SH3GL2: variants seen among roughly 807,000 people sequenced by gnomAD.
SH3GL2 encodes the protein endophilin-A1.
A neutral mutation model predicts 46.0 loss-of-function variants in SH3GL2; 24 were observed. The ratio of observed to expected loss-of-function variants is 0.52; its 90% CI spans 0.38 to 0.73. SH3GL2 has a LOEUF of 0.73. SH3GL2 is among the 30% of genes least tolerant of loss of function. SH3GL2 has a pLI of 0.00. For synonymous variants in SH3GL2, 196 were observed against 147.1 expected (o/e 1.33, Z -2.40); for missense variants, 413 against 424.2 (o/e 0.97, Z 0.23).
chr9:17,702,731 A>G (rs1242027552), intron 1 of SH3GL2, among the ~76,000 whole-genome samples: 2 of 152,190 alleles, frequency 1.3e-5, no homozygotes, highest in African/African-American at 4.8e-5. Context: ...TTTAAGGCAT[A>G]GGAAAAATGA....
chr9:17,765,917 G>C (rs1823305120), intron 3 of SH3GL2, among the ~76,000 whole-genome samples: 1 of 152,228 alleles, frequency 6.6e-6, no homozygotes, highest in Non-Finnish European at 1.5e-5. Flanking sequence ...AAGCACAGTT[G>C]ACTGTCAGTG....
chr9:17,758,385 A>AC (rs1457265758), intron 2 of SH3GL2, among the ~76,000 whole-genome samples: 1 of 151,534 alleles, frequency 6.6e-6, no homozygotes, highest in Non-Finnish European at 1.5e-5. Context: ...ACATGGCAAA[A>AC]CCCCGTCTCT....
chr9:17,585,110 T>G (rs146373075), intron 1 of SH3GL2, among the ~76,000 whole-genome samples: 45 of 152,240 alleles, frequency 3.0e-4, no homozygotes, highest in African/African-American at 1.0e-3. Flanking sequence ...CAGAGCAGAT[T>G]CCATTCTGCC....
intron 2 of SH3GL2, among the ~76,000 whole-genome samples, chr9:17,759,709 G>T (rs1397181109): frequency 6.6e-6 from 1 of 152,100 alleles, no homozygotes; most frequent in Non-Finnish European, 1.5e-5. Flanking sequence ...CTTAGAAATT[G>T]GTCAGCCCCT....
intron 1 of SH3GL2, among the ~76,000 whole-genome samples, chr9:17,644,266 T>C (rs1361397408): frequency 6.6e-6 from 1 of 152,196 alleles, no homozygotes; most frequent in African/African-American, 2.4e-5. Context: ...ATCTAGTTTG[T>C]CAACTCTTTC....
At chr9:17,615,463 T>C (rs1257594642) in intron 1 of SH3GL2, among the ~76,000 whole-genome samples, 1 of 152,054 alleles carries the variant, frequency 6.6e-6, no homozygotes, top group African/African-American at 2.4e-5. Context: ...GAGACTATCC[T>C]GGCTAACACA....
intron 1 of SH3GL2, among the ~76,000 whole-genome samples, chr9:17,721,234 A>G (rs945778951): frequency 1.3e-5 from 2 of 152,094 alleles, no homozygotes; most frequent in African/African-American, 4.8e-5. Flanking sequence ...CGAAATGGCC[A>G]CATCCAGGGG....
At chr9:17,681,678 G>T (rs1470498797) in intron 1 of SH3GL2, among the ~76,000 whole-genome samples, 2 of 152,142 alleles carry the variant, frequency 1.3e-5, no homozygotes, top group African/African-American at 4.8e-5. Flanking sequence ...AAAAGCAGTT[G>T]CAACAAAAGT....
intron 1 of SH3GL2, among the ~76,000 whole-genome samples, chr9:17,743,569 A>ACACACAC (rs1822592322): frequency 2.1e-5 from 3 of 143,588 alleles, no homozygotes; most frequent in African/African-American, 7.9e-5. Context: ...CTCTTTTGTG[A>ACACACAC]ACACACACAC....
chr9:17,779,578 G>A (rs959567261), intron 3 of SH3GL2, among the ~76,000 whole-genome samples: 3 of 152,086 alleles, frequency 2.0e-5, no homozygotes, highest in Non-Finnish European at 4.4e-5. Context: ...TAAATTGTTT[G>A]TATAAAGCTC....
At chr9:17,648,713 A>G (rs180892823) in intron 1 of SH3GL2, among the ~76,000 whole-genome samples, 2 of 152,334 alleles carry the variant, frequency 1.3e-5, no homozygotes, top group African/African-American at 4.8e-5. Flanking sequence ...AGGATTCTAA[A>G]TGTTTGTGTT....
intron 1 of SH3GL2, among the ~76,000 whole-genome samples, chr9:17,682,829 G>A (rs974917760): frequency 2.6e-5 from 4 of 152,086 alleles, no homozygotes; most frequent in African/African-American, 9.7e-5. Flanking sequence ...TAGTTTGCAA[G>A]TTAACATGAT....
Position 17,662,184 on chromosome 9 carries a change from G to T in SH3GL2, c.45+82897G>T, listed in dbSNP as rs142029951. On this transcript the variant is annotated intron_variant, in intron 1 of 8. Transcript: ENST00000380607. ...GGTTGATGTCTTATTCAGTTCTTCT[G>T]TATCTTTGCTAATTTTCTATTTAAT... Among the ~76,000 whole-genome samples, 479 of 152,218 alleles carry T rather than the reference G, an allele frequency of 3.1e-3. 4 individuals are homozygous for T. Among genetic ancestry groups the T allele is most frequent in the African/African-American group, 0.01 (430 of 41,540 alleles).
intron 1 of SH3GL2, chr9:17,589,519 A>C (rs1275515758): frequency 6.6e-6 from 1 of 152,132 alleles, no homozygotes; most frequent in Non-Finnish European, 1.5e-5. Context: ...CTGGTGGAAC[A>C]GTGACAACTT....
At chr9:17,745,066 C>G (rs1350016443) in intron 1 of SH3GL2, among the ~76,000 whole-genome samples, 2 of 152,156 alleles carry the variant, frequency 1.3e-5, no homozygotes, top group Non-Finnish European at 1.5e-5. Context: ...TTCTTCCTAG[C>G]TAAAGATGTC....
intron 1 of SH3GL2, among the ~76,000 whole-genome samples, chr9:17,673,756 TG>T (rs929639805): frequency 1.4e-4 from 22 of 152,332 alleles, no homozygotes; most frequent in African/African-American, 5.3e-4. Flanking sequence ...CACCTGTGAT[TG>T]TGCTGTTCTT....
At chr9:17,581,607 T>C (rs1818278275) in intron 1 of SH3GL2, among the ~76,000 whole-genome samples, 1 of 152,234 alleles carries the variant, frequency 6.6e-6, no homozygotes, top group Admixed American at 6.5e-5. Flanking sequence ...TCCGTGAACC[T>C]GATGTTATCT....
At chr9:17,760,125 A>G (rs753864695) in intron 2 of SH3GL2, among the ~76,000 whole-genome samples, 7 of 152,168 alleles carry the variant, frequency 4.6e-5, no homozygotes, top group East Asian at 1.9e-4. Flanking sequence ...TACACACTCA[A>G]TCTTAAAGAT....
At chr9:17,728,931 A>T (rs762759908) in intron 1 of SH3GL2, among the ~76,000 whole-genome samples, 14 of 152,158 alleles carry the variant, frequency 9.2e-5, no homozygotes, top group Non-Finnish European at 2.1e-4. Context: ...TGTGGCAATA[A>T]ATATACATGT....
Sources: gnomAD v4.1 joint callset for allele counts (sites outside exome capture counted in the v4.1 genomes callset) on GRCh38, gnomAD v4.1.1 for gene constraint, MANE v1.5 for transcripts, NCBI Gene and HGNC (gene_info 2026-07-23, HGNC 2026-07-21) for gene names.